Variants in RASGRF1 observed in about 807,000 individuals in gnomAD.
RASGRF1 encodes the protein Ras protein specific guanine nucleotide releasing factor 1.
RASGRF1 carries 40 observed loss-of-function variants against 138.7 expected under a neutral mutation model. The ratio of observed to expected loss-of-function variants is 0.29; its 90% CI spans 0.22 to 0.38. The LOEUF is 0.38. Among genes scored for constraint, RASGRF1 ranks in the 10% least tolerant of loss-of-function variants. The probability of loss-of-function intolerance (pLI) is 1.00; values close to 1 mark genes in which losing one functional copy is unlikely to be tolerated. For synonymous variants in RASGRF1, 614 were observed against 663.2 expected (o/e 0.93, Z 1.14); for missense variants, 1,108 against 1,650.4 (o/e 0.67, Z 5.69).
intron 1 of RASGRF1, among the ~76,000 whole-genome samples, chr15:79,068,551 A>G (rs2057711040): frequency 1.3e-5 from 2 of 148,840 alleles, no homozygotes; most frequent in Non-Finnish European, 3.0e-5. Context: ...ATATATACAC[A>G]TGCTTTTATA....
intron 23 of RASGRF1, among the ~76,000 whole-genome samples, chr15:78,982,558 T>C (rs1003764984): frequency 6.6e-6 from 1 of 152,150 alleles, no homozygotes; most frequent in Admixed American, 6.5e-5. Flanking sequence ...TGGGTGTCTC[T>C]GTTAGAGTGT....
chr15:79,026,119 C>T (rs1286694242), intron 9 of RASGRF1, among the ~76,000 whole-genome samples: 1 of 151,956 alleles, frequency 6.6e-6, no homozygotes, highest in Non-Finnish European at 1.5e-5. Flanking sequence ...TCTGGTGTAC[C>T]CACCCTAATA....
At chr15:78,988,369 T>C (rs1245447941) in intron 22 of RASGRF1, among the ~76,000 whole-genome samples, 1 of 152,204 alleles carries the variant, frequency 6.6e-6, no homozygotes, top group Non-Finnish European at 1.5e-5. Context: ...TGTTGCCTGG[T>C]GCTGTAAGGT....
chr15:78,989,522 A>G (rs1382088720), intron 22 of RASGRF1, among the ~76,000 whole-genome samples: 5 of 152,084 alleles, frequency 3.3e-5, no homozygotes, highest in African/African-American at 1.2e-4. Context: ...AGAATGTTTA[A>G]TTAAACATTC....
At chr15:79,034,690 AC>A (rs1481040727) in intron 6 of RASGRF1, among the ~76,000 whole-genome samples, 1 of 152,112 alleles carries the variant, frequency 6.6e-6, no homozygotes, top group Non-Finnish European at 1.5e-5. Flanking sequence ...GAAAAAAAAA[AC>A]AACACACAGC....
chr15:79,039,350 C>G (rs1877327017), intron 5 of RASGRF1, among the ~76,000 whole-genome samples: 1 of 145,186 alleles, frequency 6.9e-6, no homozygotes, highest in Non-Finnish European at 1.5e-5. Context: ...GCTTAAGTCT[C>G]TTTCTGGACT....
At chr15:79,090,103 G>C in intron 1 of RASGRF1, 120 bp downstream of exon 1, 1 of 1,336,680 alleles carries the variant, frequency 7.5e-7, no homozygotes, top group Non-Finnish European at 9.9e-7. Flanking sequence ...GGTGCAGAGA[G>C]CGCCTAGGGC....
intron 24 of RASGRF1, among the ~76,000 whole-genome samples, chr15:78,978,215 C>CTTTTCTTTTCTTTTT (rs2055915117): frequency 1.3e-4 from 10 of 79,338 alleles, no homozygotes; most frequent in African/African-American, 2.6e-4. Flanking sequence ...TTTTTCTTTT[C>CTTTTCTTTTCTTTTT]TTTTGTTTTT....
intron 5 of RASGRF1, among the ~76,000 whole-genome samples, chr15:79,038,671 A>G (rs2057255295): frequency 6.6e-6 from 1 of 152,040 alleles, no homozygotes; most frequent in Admixed American, 6.6e-5. Flanking sequence ...TCTGACATCT[A>G]TGTTGTAGAC....
chr15:79,007,565 T>TTA (rs60799650), intron 13 of RASGRF1, among the ~76,000 whole-genome samples: 2 of 110,106 alleles, frequency 1.8e-5, no homozygotes, highest in Admixed American at 2.0e-4. Context: ...TTTTTTTTTT[T>TTA]AATGAGATAA....
chr15:79,063,925 A>G (rs1049436398), intron 2 of RASGRF1, among the ~76,000 whole-genome samples: 3 of 152,244 alleles, frequency 2.0e-5, no homozygotes, highest in East Asian at 1.9e-4. Flanking sequence ...GAGTCTCCCT[A>G]CAGGGGGCAC....
chr15:79,068,992 C>T, intron 1 of RASGRF1, among the ~76,000 whole-genome samples: 1 of 152,076 alleles, frequency 6.6e-6, no homozygotes, highest in East Asian at 1.9e-4. Context: ...CCTGGCCGGG[C>T]TTAGGCTTGG....
intron 10 of RASGRF1, 78 bp from the exon 11 acceptor site, chr15:79,020,182 G>A (rs1464074402): frequency 3.0e-5 from 42 of 1,387,160 alleles, no homozygotes; most frequent in Non-Finnish European, 4.2e-5. Flanking sequence ...GATAGGGTTG[G>A]AGGGGACTTT....
At chr15:79,040,645 G>A in intron 5 of RASGRF1, among the ~76,000 whole-genome samples, 1 of 107,824 alleles carries the variant, frequency 9.3e-6, no homozygotes, top group Middle Eastern at 4.8e-3. Context: ...GAGCGAGAGC[G>A]AGAGCTAGAG....
intron 1 of RASGRF1, among the ~76,000 whole-genome samples, chr15:79,081,477 G>T (rs1329683867): frequency 6.6e-6 from 1 of 152,198 alleles, no homozygotes; most frequent in African/African-American, 2.4e-5. Flanking sequence ...TTCCCACTCA[G>T]AGCCCTGCAC....
chr15:79,003,396 A>C (rs2056583691), intron 15 of RASGRF1, among the ~76,000 whole-genome samples: 1 of 152,272 alleles, frequency 6.6e-6, no homozygotes, highest in South Asian at 2.1e-4. Context: ...ACTGAATCCC[A>C]GGGGGCAGGA....
At chr15:79,015,930 G>A (rs967410573) in intron 12 of RASGRF1, among the ~76,000 whole-genome samples, 1 of 152,246 alleles carries the variant, frequency 6.6e-6, no homozygotes, top group Non-Finnish European at 1.5e-5. Context: ...CATATGAAGA[G>A]TCCATGGGTG....
chr15:79,000,827 G>A (rs1041525355), intron 16 of RASGRF1, among the ~76,000 whole-genome samples: 8 of 152,368 alleles, frequency 5.3e-5, no homozygotes, highest in Admixed American at 5.2e-4. Flanking sequence ...CAGGGCTGCA[G>A]TATGTCCAGG....
chr15:79,007,580 T>C (rs2056708146), intron 13 of RASGRF1, among the ~76,000 whole-genome samples: 1 of 145,464 alleles, frequency 6.9e-6, no homozygotes, highest in South Asian at 2.3e-4. Flanking sequence ...AGATAAGGTC[T>C]CATTTGCTCA....
Sources: allele counts gnomAD v4.1 joint callset (sites outside exome capture counted in the v4.1 genomes callset), GRCh38; gene constraint gnomAD v4.1.1; transcripts MANE v1.5; gene names NCBI Gene and HGNC (gene_info 2026-07-23, HGNC 2026-07-21).